The following PRRX1 variants were observed in gnomAD, a reference collection of about 807,000 sequenced individuals.
PRRX1 encodes paired mesoderm homeobox protein 1.
Under a neutral mutation model 24.0 loss-of-function variants are expected in PRRX1, and 8 were observed. The ratio of observed to expected loss-of-function variants is 0.33; its 90% CI spans 0.20 to 0.60. The LOEUF (loss-of-function observed/expected upper bound fraction) is 0.60, where lower values mean the gene tolerates loss of function less well. Ranked by LOEUF, PRRX1 falls within the 20% of genes least tolerant of loss-of-function variation. PRRX1 has a pLI of 0.82. For missense variants in PRRX1, 281 were observed against 322.4 expected, an observed-to-expected ratio of 0.87 and a Z score of 0.98; for synonymous variants, 160 against 131.7, an observed-to-expected ratio of 1.22 and a Z score of -1.47.
At position 170,664,162 on chromosome 1, in the gene PRRX1, C is replaced by A; in HGVS notation, c.-57C>A. 6.4e-7 allele frequency: 1 copy of A among 1,557,058 alleles called. No individual in the cohort carries two copies. The highest frequency in any genetic ancestry group is 1.2e-5 in the South Asian group (1 of 81,612). On this transcript the variant is annotated 5_prime_UTR_variant, in exon 1 of 4. Coordinates refer to ENST00000239461, the MANE Select transcript of PRRX1 (RefSeq NM_022716.4). ...CTCCTCTCCCCCCTCGCGCCCACAGCGTTTGGTGTTGATTCGAGCGGGAAG... is the reference window on the plus strand; with the variant it reads ...CTCCTCTCCCCCCTCGCGCCCACAGAGTTTGGTGTTGATTCGAGCGGGAAG...
At chr1:170,664,611 G>A (rs1652851111) in intron 1 of PRRX1, 152 bp downstream of exon 1, 3 of 1,292,498 alleles carry the variant, frequency 2.3e-6, no homozygotes, top group Non-Finnish European at 1.0e-6. Flanking sequence ...CCAGTCACAG[G>A]GGAAACCAGA....
Position 170,671,771 on chromosome 1 carries a change from G to A in PRRX1, c.241+7312G>A, listed in dbSNP as rs185065092. Among the ~76,000 whole-genome samples the A allele has an allele frequency of 5.0e-4, 76 of 152,312 alleles. No homozygotes were observed. In the Middle Eastern group the frequency reaches 0.01, roughly 20 times the overall value. On this transcript the variant is annotated intron_variant, in intron 1 of 3. Coordinates refer to ENST00000239461, the MANE Select transcript of PRRX1 (RefSeq NM_022716.4). Reference sequence around the variant, plus strand: ...TGGTCGGGGTTCCAGGGTGGCAGGAGGGGAGTGGGGCCAGATGACCGTGGA... The same window carrying A: ...TGGTCGGGGTTCCAGGGTGGCAGGAAGGGAGTGGGGCCAGATGACCGTGGA...
intron 1 of PRRX1, among the ~76,000 whole-genome samples, chr1:170,665,355 C>G (rs1319713912): frequency 6.6e-6 from 1 of 152,214 alleles, no homozygotes; most frequent in Non-Finnish European, 1.5e-5. Flanking sequence ...TCGCTAGTGC[C>G]TTAAAAAGAG....
At chr1:170,735,434 G>A (rs1655571570) in intron 3 of PRRX1, among the ~76,000 whole-genome samples, 1 of 152,128 alleles carries the variant, frequency 6.6e-6, no homozygotes, top group African/African-American at 2.4e-5. Context: ...TTAAAATCAA[G>A]GCCAGTGGCT....
chr1:170,736,345 G>A lies in PRRX1; in HGVS notation c.*159G>A. 1 of 1,014,898 alleles carries A rather than the reference G, an allele frequency of 9.9e-7. No homozygotes were observed. Among genetic ancestry groups the A allele is most frequent in the Non-Finnish European group, 1.4e-6 (1 of 693,398 alleles). The allele number at this position is 1,014,898 out of a possible 1,614,324, so 62.9% of individuals were successfully genotyped here. On this transcript the variant is annotated 3_prime_UTR_variant, in exon 4 of 4. Coordinates refer to ENST00000239461, the MANE Select transcript of PRRX1 (RefSeq NM_022716.4). ...GGGACCATGGCAGAGAAAAGCAGGA[G>A]AGGAGCAAAATGAAAATTAGTTAAC...
intron 2 of PRRX1, among the ~76,000 whole-genome samples, chr1:170,721,574 A>G (rs1655087061): frequency 6.6e-6 from 1 of 152,180 alleles, no homozygotes; most frequent in South Asian, 2.1e-4. Flanking sequence ...AAGAGAAAAA[A>G]GAAAAATGTC....
At chr1:170,734,522 C>T (rs906330319) in intron 3 of PRRX1, among the ~76,000 whole-genome samples, 6 of 152,054 alleles carry the variant, frequency 3.9e-5, no homozygotes, top group South Asian at 4.1e-4. Context: ...TATAAAAGAA[C>T]GTAGCCTGGT....
At chr1:170,718,528 A>G (rs1654974934) in intron 1 of PRRX1, among the ~76,000 whole-genome samples, 1 of 152,230 alleles carries the variant, frequency 6.6e-6, no homozygotes, top group African/African-American at 2.4e-5. Flanking sequence ...AGCCAAAAGT[A>G]CTTTCTAAAT....
At chr1:170,721,926 T>A (rs114497784) in intron 2 of PRRX1, among the ~76,000 whole-genome samples, 251 of 151,722 alleles carry the variant, frequency 1.7e-3, no homozygotes, top group African/African-American at 5.8e-3. Context: ...TTTGCTATGG[T>A]GATCTAAATT....
At chr1:170,664,829 C>G (rs768777818) in intron 1 of PRRX1, among the ~76,000 whole-genome samples, 5 of 152,226 alleles carry the variant, frequency 3.3e-5, no homozygotes, top group Admixed American at 6.5e-5. Context: ...GGGGTGCAAA[C>G]TCAGAGAGCC....
At chr1:170,693,268 T>C (rs1261626780) in intron 1 of PRRX1, among the ~76,000 whole-genome samples, 1 of 152,010 alleles carries the variant, frequency 6.6e-6, no homozygotes, top group Non-Finnish European at 1.5e-5. Context: ...AAATAGAAAA[T>C]GCTGTAGAAA....
chr1:170,708,517 A>G (rs1156511776), intron 1 of PRRX1, among the ~76,000 whole-genome samples: 1 of 152,194 alleles, frequency 6.6e-6, no homozygotes, highest in Non-Finnish European at 1.5e-5. Flanking sequence ...AACAGAAAAC[A>G]CGGTGACTGG....
chr1:170,701,762 AC>A (rs1654367298), intron 1 of PRRX1, among the ~76,000 whole-genome samples: 2 of 152,232 alleles, frequency 1.3e-5, no homozygotes, highest in Non-Finnish European at 2.9e-5. Flanking sequence ...TTTATACAGT[AC>A]AGCATGATAT....
chr1:170,737,615 T>G lies in PRRX1; in HGVS notation c.*1429T>G, dbSNP rs963949946. ...CTAAATTCCAACATTTAAAAGGCAA[T>G]TGTGGGCTATTTTTATTTTTTAATA... On this transcript the variant is annotated 3_prime_UTR_variant, in exon 4 of 4. Coordinates refer to ENST00000239461, the MANE Select transcript of PRRX1 (RefSeq NM_022716.4). The G allele has an allele frequency of 2.3e-5, 5 of 214,992 alleles. No individual in the cohort carries two copies. The highest frequency in any genetic ancestry group is 1.1e-4 in the African/African-American group (5 of 44,250). The allele number at this position is 214,992 out of a possible 1,614,324, so 13.3% of individuals were successfully genotyped here. A position where few individuals can be genotyped will look rare whatever the true frequency, so the allele number is the denominator to read the frequency against.
upstream of PRRX1, chr1:170,664,050 T>TG: frequency 1.5e-6 from 1 of 677,170 alleles, no homozygotes; most frequent in Non-Finnish European, 2.4e-6. Context: ...TTCCAATTTT[T>TG]TTTTTTTGGC....
intron 1 of PRRX1, among the ~76,000 whole-genome samples, chr1:170,705,377 G>T (rs189400152): frequency 3.9e-5 from 6 of 152,222 alleles, no homozygotes; most frequent in Admixed American, 1.3e-4. Context: ...CAACCACCTG[G>T]GCTCAGGTGA....
At chr1:170,671,193 G>A (rs1196501344) in intron 1 of PRRX1, among the ~76,000 whole-genome samples, 1 of 152,206 alleles carries the variant, frequency 6.6e-6, no homozygotes, top group African/African-American at 2.4e-5. Flanking sequence ...TTCTTAACGG[G>A]CAGAGAGAGA....
intron 1 of PRRX1, among the ~76,000 whole-genome samples, chr1:170,711,949 A>C (rs535379276): frequency 1.4e-4 from 21 of 152,338 alleles, no homozygotes; most frequent in Non-Finnish European, 2.8e-4. Context: ...TTTCTTTTTA[A>C]AAGAGTCACT....
At chr1:170,693,625 C>G (rs1654066365) in intron 1 of PRRX1, among the ~76,000 whole-genome samples, 1 of 152,040 alleles carries the variant, frequency 6.6e-6, no homozygotes, top group Non-Finnish European at 1.5e-5. Context: ...ACTTACTCAG[C>G]TAGACTCTTA....
Sources: allele counts gnomAD v4.1 joint callset (sites outside exome capture counted in the v4.1 genomes callset), GRCh38; gene constraint gnomAD v4.1.1; transcripts MANE v1.5; gene names NCBI Gene and HGNC (gene_info 2026-07-23, HGNC 2026-07-21).